The following NIPA1 variants were observed in gnomAD, a reference collection of about 807,000 sequenced individuals.
NIPA1 encodes the protein NIPA magnesium transporter 1.
A neutral mutation model predicts 23.9 loss-of-function variants in NIPA1; 13 were observed. The ratio of observed to expected loss-of-function variants is 0.54; its 90% CI spans 0.35 to 0.87. The LOEUF (loss-of-function observed/expected upper bound fraction) is 0.87, where lower values mean the gene tolerates loss of function less well. Among genes scored for constraint, NIPA1 ranks in the 40% least tolerant of loss-of-function variants. The probability of loss-of-function intolerance (pLI) is 0.01; values close to 1 mark genes in which losing one functional copy is unlikely to be tolerated. For missense variants in NIPA1, 362 were observed against 429.7 expected (o/e 0.84, Z 1.39); for synonymous variants, 234 against 202.9 (o/e 1.15, Z -1.30).
intron 1 of NIPA1, among the ~76,000 whole-genome samples, chr15:22,794,583 T>G (rs541356342): frequency 6.6e-6 from 1 of 152,170 alleles, no homozygotes; most frequent in Admixed American, 6.5e-5. Context: ...CTGCCTGCAG[T>G]GCAGCCATGC....
chr15:22,790,936 C>G (rs1414211236), intron 1 of NIPA1, among the ~76,000 whole-genome samples: 1 of 152,010 alleles, frequency 6.6e-6, no homozygotes, highest in Admixed American at 6.6e-5. Context: ...GTTCCTTATG[C>G]TGGAAAAAGT....
chr15:22,787,135 G>A (rs1042507879), intron 1 of NIPA1, among the ~76,000 whole-genome samples: 3 of 152,024 alleles, frequency 2.0e-5, no homozygotes, highest in Non-Finnish European at 4.4e-5. Flanking sequence ...TGGTGTGCGG[G>A]CTTCCCCGGC....
rs547409527 is a variant in NIPA1 at position 22,829,279 on chromosome 15, C to T, written c.*5040C>T. The T allele has an allele frequency of 2.6e-5, 4 of 152,228 alleles. No individual in the cohort carries two copies. The highest frequency in any genetic ancestry group is 2.1e-4 in the South Asian group (1 of 4,832). The allele number at this position is 152,228 out of a possible 1,614,324, so 9.4% of individuals were successfully genotyped here. A position where few individuals can be genotyped will look rare whatever the true frequency, so the allele number is the denominator to read the frequency against. ...GTTGCACTGGATTTGTAATAAATGA[C>T]GCTGAACTTCCTGCTTCCAAGCAGC... On this transcript the variant is annotated 3_prime_UTR_variant, in exon 5 of 5. Transcript: ENST00000337435.
chr15:22,791,021 T>C (rs1467434819), intron 1 of NIPA1, among the ~76,000 whole-genome samples: 8 of 152,166 alleles, frequency 5.3e-5, no homozygotes, highest in South Asian at 4.1e-4. Context: ...AATGCAGTTA[T>C]GTTATATGGT....
At chr15:22,822,571 G>A (rs999178889) in intron 4 of NIPA1, among the ~76,000 whole-genome samples, 7 of 152,232 alleles carry the variant, frequency 4.6e-5, no homozygotes, top group Non-Finnish European at 7.3e-5. Flanking sequence ...GCTCACGCCT[G>A]TAATCCCAAC....
intron 1 of NIPA1, among the ~76,000 whole-genome samples, chr15:22,790,636 A>G (rs527309824): frequency 3.2e-4 from 48 of 151,854 alleles, no homozygotes; most frequent in Middle Eastern, 3.4e-3. Context: ...CTGGTCTCGA[A>G]CTTCCAAACT....
At chr15:22,796,583 C>T (rs1395387883) in intron 1 of NIPA1, among the ~76,000 whole-genome samples, 2 of 152,174 alleles carry the variant, frequency 1.3e-5, no homozygotes, top group African/African-American at 2.4e-5. Context: ...GGATTCCAGG[C>T]GTGAGCCACT....
At chr15:22,813,943 G>T in intron 3 of NIPA1, 1 of 420,378 alleles carries the variant, frequency 2.4e-6, no homozygotes, top group Non-Finnish European at 4.9e-6. Flanking sequence ...TAAACAACCT[G>T]ACCTGGTGAT....
chr15:22,792,719 C>T (rs1025123497), intron 1 of NIPA1, among the ~76,000 whole-genome samples: 3 of 151,734 alleles, frequency 2.0e-5, no homozygotes, highest in African/African-American at 4.8e-5. Context: ...TTTAGGAGGC[C>T]GAGGCAGGTG....
Position 22,786,809 on chromosome 15 carries a change from G to C in NIPA1, c.153G>C (p.Lys51Asn). 1 of 1,275,282 alleles carries C rather than the reference G, an allele frequency of 7.8e-7. No homozygotes were observed. The highest frequency in any genetic ancestry group is 1.0e-6 in the Non-Finnish European group (1 of 988,992). 79.0% of individuals were successfully genotyped at this position (1,275,282 alleles called of 1,614,324 possible). Residue 51 changes from lysine to asparagine, a missense_variant, in exon 1 of 5, where the codon AAG (lysine) becomes AAC (asparagine). Lys to Asn is a moderately conservative substitution (Grantham distance 94). Transcript: ENST00000337435. The stretch of plus-strand genomic sequence containing the variant: ...GGTCCACGTTCGTGCTACAGAAGAA[G>C]GGCATCGTGCGTGCCAAGCGGCGAG... The part of the protein sequence containing the change: ...VNGSTFVLQK[K>N]GIVRAKRRGT...
In NIPA1 at chr15:22,824,182, C is replaced by G; in HGVS notation, c.933C>G (p.Phe311Leu). The change falls in exon 5 of 5, where the codon TTC (phenylalanine) becomes TTG (leucine). Residue 311 changes from phenylalanine to leucine, a missense_variant. Phe to Leu is a conservative substitution (Grantham distance 22). Around this residue, in one of 2 missense-constraint regions of NIPA1, gnomAD observed 277 missense variants for 372.0 expected, o/e 0.74. Transcript: ENST00000337435. This position sits in a 1 kb window ranked among gnomAD's most constrained non-coding sequence, Gnocchi z 4.1. ...TGGGGATTGTCCTTATACAGGTGTT[C>G]AAAGAGTTCAATTTCAACCTTGGGG... ...VSVGIVLIQV[F>L]KEFNFNLGEM... 1 of 1,613,144 alleles carries G rather than the reference C, an allele frequency of 6.2e-7. No homozygotes were observed. Among genetic ancestry groups the G allele is most frequent in the Non-Finnish European group, 8.5e-7 (1 of 1,179,094 alleles).
At chr15:22,813,168 C>T (rs544544849) in intron 3 of NIPA1, among the ~76,000 whole-genome samples, 77 of 152,190 alleles carry the variant, frequency 5.1e-4, no homozygotes, top group African/African-American at 1.7e-3. Flanking sequence ...GGGCGGTTTG[C>T]ATGCTTAGGC....
At position 22,824,195 on chromosome 15, in the gene NIPA1, T is replaced by C; in HGVS notation, c.946T>C (p.Phe316Leu). ...TATACAGGTGTTCAAAGAGTTCAAT[T>C]TCAACCTTGGGGAGATGAACAAATC... ...VLIQVFKEFN[F>L]NLGEMNKSNM... Residue 316 changes from phenylalanine (F) to leucine (L), a missense_variant, in exon 5 of 5, where the codon TTC becomes CTC. This residue lies in a region of NIPA1 where 277 missense variants were observed against 372.0 expected (regional missense o/e 0.74). Coordinates refer to ENST00000337435, the MANE Select transcript of NIPA1 (RefSeq NM_144599.5). This position sits in a 1 kb window ranked among gnomAD's most constrained non-coding sequence, Gnocchi z 4.1. 6.2e-7 allele frequency: 1 copy of C among 1,613,614 alleles called. No homozygotes were observed. Among genetic ancestry groups the C allele is most frequent in the South Asian group, 1.1e-5 (1 of 91,072 alleles).
At chr15:22,821,125 G>A (rs1316920093) in intron 4 of NIPA1, among the ~76,000 whole-genome samples, 3 of 151,804 alleles carry the variant, frequency 2.0e-5, no homozygotes, top group South Asian at 2.1e-4. Flanking sequence ...CACCATGCCC[G>A]GCTAATTTTT....
At chr15:22,810,636 C>G (rs1412734911) in intron 1 of NIPA1, 113 bp from the exon 2 acceptor site, 3 of 725,072 alleles carry the variant, frequency 4.1e-6, no homozygotes, top group Non-Finnish European at 7.6e-6. Context: ...GTATGACATT[C>G]ATTCTTTTCA....
At chr15:22,796,634 A>G (rs1285371523) in intron 1 of NIPA1, among the ~76,000 whole-genome samples, 1 of 152,114 alleles carries the variant, frequency 6.6e-6, no homozygotes, top group Non-Finnish European at 1.5e-5. Context: ...GCCCTTAATG[A>G]ATACCAATTT....
chr15:22,803,911 C>A (rs1313669973), intron 1 of NIPA1, among the ~76,000 whole-genome samples: 4 of 151,666 alleles, frequency 2.6e-5, no homozygotes, highest in Admixed American at 1.3e-4. Context: ...GAGCTCCTGA[C>A]CTTGTGATCT....
At chr15:22,790,643 A>G (rs1206884993) in intron 1 of NIPA1, among the ~76,000 whole-genome samples, 1 of 151,694 alleles carries the variant, frequency 6.6e-6, no homozygotes, top group Non-Finnish European at 1.5e-5. Context: ...CGAACTTCCA[A>G]ACTCAGGTGA....
At chr15:22,818,460 C>T (rs8024954) in intron 3 of NIPA1, among the ~76,000 whole-genome samples, 3,250 of 150,934 alleles carry the variant, frequency 0.022, 47 homozygotes, top group Non-Finnish European at 0.033. Context: ...GAAACAGAAA[C>T]TCTTACAGTG....
Sources: allele counts gnomAD v4.1 joint callset (sites outside exome capture counted in the v4.1 genomes callset), GRCh38; gene constraint gnomAD v4.1.1; regional missense constraint gnomAD v4.1.1; non-coding constraint Gnocchi (gnomAD v3.1); transcripts MANE v1.5; gene names NCBI Gene and HGNC (gene_info 2026-07-23, HGNC 2026-07-21).